The following ZFHX3 variants were observed in gnomAD, a reference collection of about 807,000 sequenced individuals.
ZFHX3 encodes zinc finger homeobox protein 3.
In ZFHX3, 42 loss-of-function variants were observed where a neutral mutation model predicts 279.1. That is an observed-to-expected ratio of 0.15 (90% CI 0.12 to 0.19). The LOEUF (loss-of-function observed/expected upper bound fraction) is 0.19, where lower values mean the gene tolerates loss of function less well. ZFHX3 is among the 10% of genes least tolerant of loss of function. The pLI, the probability that ZFHX3 is intolerant of heterozygous loss-of-function variation, is 1.00. For synonymous variants in ZFHX3, 2,293 were observed against 1,957.8 expected, an observed-to-expected ratio of 1.17 and a Z score of -4.52; for missense variants, 4,981 against 4,754.0, an observed-to-expected ratio of 1.05 and a Z score of -1.40.
intron 7 of ZFHX3, among the ~76,000 whole-genome samples, chr16:73,103,705 C>A (rs4788699): frequency 6.6e-6 from 1 of 151,990 alleles, no homozygotes; most frequent in Non-Finnish European, 1.5e-5. Flanking sequence ...TACTAAAATG[C>A]GGAGATTAAG....
At chr16:73,483,846 C>T (rs569797912) in intron 2 of ZFHX3, among the ~76,000 whole-genome samples, 20 of 151,616 alleles carry the variant, frequency 1.3e-4, no homozygotes, top group African/African-American at 4.1e-4. Flanking sequence ...GGACCGAGGG[C>T]TTTGTCACAA....
chr16:73,663,821 G>C (rs2052809113), intron 2 of ZFHX3, among the ~76,000 whole-genome samples: 1 of 152,184 alleles, frequency 6.6e-6, no homozygotes, highest in Admixed American at 6.5e-5. Context: ...GAGGGAAATG[G>C]ACTGGCTTTA....
chr16:73,374,023 C>T (rs959123285), intron 3 of ZFHX3, among the ~76,000 whole-genome samples: 3 of 152,128 alleles, frequency 2.0e-5, no homozygotes, highest in South Asian at 2.1e-4. Context: ...GCAGCATGCA[C>T]GGGGTAAACT....
chr16:73,416,637 G>C (rs879814685), intron 3 of ZFHX3, among the ~76,000 whole-genome samples: 12 of 152,158 alleles, frequency 7.9e-5, no homozygotes, highest in Non-Finnish European at 1.6e-4. Flanking sequence ...ACTTTGGGAG[G>C]CCGAGGCGGG....
At chr16:72,989,724 A>G (rs1251778321) in intron 1 of ZFHX3, among the ~76,000 whole-genome samples, 2 of 152,248 alleles carry the variant, frequency 1.3e-5, no homozygotes, top group Non-Finnish European at 2.9e-5. Context: ...GATGCAGCAC[A>G]CAGAGTTCTA....
At chr16:73,289,421 A>G (rs1371088429) in intron 4 of ZFHX3, among the ~76,000 whole-genome samples, 1 of 152,050 alleles carries the variant, frequency 6.6e-6, no homozygotes, top group Non-Finnish European at 1.5e-5. Flanking sequence ...CAGCATCTTC[A>G]GGGAAGCCCA....
At chr16:73,235,950 C>T (rs958925093) in intron 5 of ZFHX3, among the ~76,000 whole-genome samples, 9 of 152,288 alleles carry the variant, frequency 5.9e-5, no homozygotes, top group South Asian at 4.1e-4. Flanking sequence ...GGATTATAGG[C>T]GTGAGCCATT....
At chr16:73,235,679 TG>T (rs1371096586) in intron 5 of ZFHX3, among the ~76,000 whole-genome samples, 12 of 148,322 alleles carry the variant, frequency 8.1e-5, no homozygotes, top group East Asian at 7.4e-4. Context: ...ATATATCAAT[TG>T]TTTTTTTTTT....
chr16:73,719,636 T>TA (rs1163173984), intron 1 of ZFHX3, among the ~76,000 whole-genome samples: 2 of 152,124 alleles, frequency 1.3e-5, no homozygotes, highest in Non-Finnish European at 2.9e-5. Flanking sequence ...TTCATTTATT[T>TA]ATTTTTTTAT....
At chr16:73,182,145 C>T (rs1234053239) in intron 5 of ZFHX3, among the ~76,000 whole-genome samples, 1 of 152,114 alleles carries the variant, frequency 6.6e-6, no homozygotes. Context: ...CTAGAGCATT[C>T]AGAAGCTCAT....
At chr16:73,247,058 T>C (rs1026194042) in intron 5 of ZFHX3, among the ~76,000 whole-genome samples, 1 of 152,176 alleles carries the variant, frequency 6.6e-6, no homozygotes, top group African/African-American at 2.4e-5. Flanking sequence ...TGTGTCTATA[T>C]ACCTGTATGT....
Position 73,298,338 on chromosome 16 carries a change from C to A in ZFHX3, c.-1194+19902G>T, listed in dbSNP as rs543618669. ...TAGCTGGGATTACAGGTATGTGCCA[C>A]CATGCCCGGCTAATTTTGTATTTTT... On this transcript the variant is annotated intron_variant, in intron 4 of 17. Transcript: ENST00000641206. Among the ~76,000 whole-genome samples the A allele has an allele frequency of 5.1e-4, 78 of 151,954 alleles. 1 individual carries two copies. Among genetic ancestry groups the A allele is most frequent in the African/African-American group, 1.8e-3 (74 of 41,434 alleles).
At chr16:73,013,610 C>A (rs950527095) in intron 1 of ZFHX3, among the ~76,000 whole-genome samples, 12 of 152,144 alleles carry the variant, frequency 7.9e-5, no homozygotes, top group Admixed American at 2.0e-4. Flanking sequence ...TAAACACTCT[C>A]TTTTATTTTT....
At chr16:73,325,902 A>AACACACACAC (rs112302302) in intron 3 of ZFHX3, among the ~76,000 whole-genome samples, 1 of 91,228 alleles carries the variant, frequency 1.1e-5, no homozygotes, top group Non-Finnish European at 2.8e-5. Flanking sequence ...CACACACACA[A>AACACACACAC]ACACACACAC....
intron 1 of ZFHX3, among the ~76,000 whole-genome samples, chr16:73,764,453 G>C (rs2053906018): frequency 6.6e-6 from 1 of 152,162 alleles, no homozygotes; most frequent in African/African-American, 2.4e-5. Flanking sequence ...AGGGGAGGGG[G>C]AAGGCAGAGC....
chr16:73,554,061 G>A (rs2020240060), intron 2 of ZFHX3, among the ~76,000 whole-genome samples: 1 of 152,168 alleles, frequency 6.6e-6, no homozygotes, highest in South Asian at 2.1e-4. Context: ...AGGGAGTTAA[G>A]TAAATAAATT....
chr16:73,759,237 C>A (rs185569727), intron 1 of ZFHX3, among the ~76,000 whole-genome samples: 2 of 152,114 alleles, frequency 1.3e-5, no homozygotes, highest in African/African-American at 2.4e-5. Context: ...GATGCTTTGC[C>A]GTCTTTAACA....
chr16:73,173,008 G>C, intron 5 of ZFHX3, among the ~76,000 whole-genome samples: 1 of 49,948 alleles, frequency 2.0e-5, no homozygotes, highest in Non-Finnish European at 3.2e-5. Context: ...TTTTTTTTTT[G>C]TTTTTTTTTT....
intron 5 of ZFHX3, among the ~76,000 whole-genome samples, chr16:73,207,627 G>A (rs1032343963): frequency 7.2e-5 from 11 of 152,158 alleles, no homozygotes; most frequent in African/African-American, 2.2e-4. Flanking sequence ...CTAGAGAGGC[G>A]ATATCAGTGG....
Sources: allele counts gnomAD v4.1 joint callset (sites outside exome capture counted in the v4.1 genomes callset), GRCh38; gene constraint gnomAD v4.1.1; transcripts MANE v1.5; gene names NCBI Gene and HGNC (gene_info 2026-07-23, HGNC 2026-07-21).